KIAA1549L: variants seen among roughly 807,000 people sequenced by gnomAD.
KIAA1549L encodes the protein KIAA1549 like.
A neutral mutation model predicts 160.7 loss-of-function variants in KIAA1549L; 88 were observed. That is an observed-to-expected ratio of 0.55 (90% CI 0.46 to 0.65). KIAA1549L has a LOEUF of 0.65. Ranked by LOEUF, KIAA1549L falls within the 30% of genes least tolerant of loss-of-function variation. KIAA1549L has a pLI of 0.00. For synonymous variants in KIAA1549L, 950 were observed against 976.7 expected (o/e 0.97, Z 0.51); for missense variants, 2,258 against 2,437.5 (o/e 0.93, Z 1.55).
rs543417955 is a variant in KIAA1549L, at chr11:33,654,257, C to T, written c.5761-1755C>T. On this transcript the variant is annotated intron_variant, in intron 17 of 20. Transcript: ENST00000658780. ...AAAGTGCTGGGATTACAGGCGTGAG[C>T]CACCACACCCAGCCTGGTCAACTAT... Among the ~76,000 whole-genome samples, 7 of 152,374 alleles carry T rather than the reference C, an allele frequency of 4.6e-5. No homozygotes were observed. In the South Asian group the frequency reaches 1.5e-3, roughly 32 times the overall value.
intron 11 of KIAA1549L, among the ~76,000 whole-genome samples, chr11:33,586,643 T>G (rs944847055): frequency 4.6e-5 from 7 of 152,062 alleles, no homozygotes; most frequent in Non-Finnish European, 7.4e-5. Context: ...GGGTCTGTAA[T>G]CTTTTGCATG....
At chr11:33,400,004 C>G (rs1300330588) in intron 1 of KIAA1549L, among the ~76,000 whole-genome samples, 3 of 152,178 alleles carry the variant, frequency 2.0e-5, no homozygotes, top group Non-Finnish European at 4.4e-5. Flanking sequence ...TAATTCCTCA[C>G]CAGTAAGTTG....
intron 18 of KIAA1549L, 24 bp downstream of exon 18, chr11:33,656,133 T>G (rs1852057261): frequency 1.9e-6 from 3 of 1,580,250 alleles, no homozygotes; most frequent in South Asian, 2.2e-5. Flanking sequence ...TTCTTTGTTT[T>G]GTTTGGAATA....
intron 1 of KIAA1549L, among the ~76,000 whole-genome samples, chr11:33,428,910 CCCA>C (rs899609009): frequency 6.6e-6 from 1 of 152,198 alleles, no homozygotes; most frequent in Non-Finnish European, 1.5e-5. Flanking sequence ...AGTTTACACT[CCCA>C]CCAACAGTGT....
chr11:33,501,660 A>C (rs1852951054), intron 1 of KIAA1549L, among the ~76,000 whole-genome samples: 1 of 152,202 alleles, frequency 6.6e-6, no homozygotes, highest in Admixed American at 6.5e-5. Context: ...AAAGATAATT[A>C]TCTTTTTTTC....
chr11:33,448,593 A>T (rs946637891), intron 1 of KIAA1549L, among the ~76,000 whole-genome samples: 1 of 152,116 alleles, frequency 6.6e-6, no homozygotes, highest in Non-Finnish European at 1.5e-5. Flanking sequence ...TATTGCTTGT[A>T]CTGCTACACT....
At chr11:33,432,687 T>G (rs1377860186) in intron 1 of KIAA1549L, among the ~76,000 whole-genome samples, 1 of 152,168 alleles carries the variant, frequency 6.6e-6, no homozygotes, top group Admixed American at 6.5e-5. Context: ...CAAACTATAC[T>G]ACAAGTCTAC....
At chr11:33,587,505 T>C (rs1849917801) in intron 11 of KIAA1549L, among the ~76,000 whole-genome samples, 1 of 152,230 alleles carries the variant, frequency 6.6e-6, no homozygotes, top group African/African-American at 2.4e-5. Flanking sequence ...ATGAAGGCTG[T>C]AATGTTTGCC....
chr11:33,391,366 A>G (rs1018079582), intron 1 of KIAA1549L, among the ~76,000 whole-genome samples: 4 of 152,150 alleles, frequency 2.6e-5, no homozygotes, highest in Non-Finnish European at 5.9e-5. Flanking sequence ...TCATGTTTCA[A>G]ACCTAGGGAT....
chr11:33,423,138 A>G (rs1851052605), intron 1 of KIAA1549L, among the ~76,000 whole-genome samples: 1 of 152,248 alleles, frequency 6.6e-6, no homozygotes, highest in Admixed American at 6.5e-5. Context: ...ATAAAAAACT[A>G]TGCATACATT....
At chr11:33,612,693 A>G (rs187776502) in intron 15 of KIAA1549L, among the ~76,000 whole-genome samples, 6 of 150,524 alleles carry the variant, frequency 4.0e-5, no homozygotes, top group South Asian at 2.1e-4. Context: ...TGTATGGATT[A>G]TTTCATCACT....
At chr11:33,593,157 G>A (rs1205755352) in intron 12 of KIAA1549L, among the ~76,000 whole-genome samples, 1 of 152,220 alleles carries the variant, frequency 6.6e-6, no homozygotes, top group East Asian at 1.9e-4. Flanking sequence ...TGGGCTGGGT[G>A]CATGGCTCAC....
At chr11:33,471,635 C>G (rs149945733) in intron 1 of KIAA1549L, among the ~76,000 whole-genome samples, 18 of 152,272 alleles carry the variant, frequency 1.2e-4, no homozygotes, top group Middle Eastern at 3.4e-3. Context: ...GAGCCTTTAC[C>G]CAACAGTGGA....
In KIAA1549L at chr11:33,542,174, C is replaced by T. The variant is rs78716240; in HGVS notation, c.611C>T (p.Ser204Leu). ...SGLPLTSMLP[S>L]LSTVPSGTSF... is the part of the protein sequence containing the mutation. ...TTGCCTCTCACCAGCATGCTCCCCT[C>T]GTTGTCCACAGTCCCATCAGGGACA... is the stretch of plus-strand genomic sequence containing the variant. The change falls in exon 2 of 21, where the codon TCG becomes TTG. Residue 204 changes from serine to leucine, a missense_variant. Ser to Leu is a moderately radical substitution (Grantham distance 145). Around this residue, in one of 6 missense-constraint regions of KIAA1549L, gnomAD observed 540 missense variants for 465.7 expected, o/e 1.16. Transcript: ENST00000658780. 2.5e-4 allele frequency: 156 copies of T among 620,902 alleles called. No individual in the cohort carries two copies. The East Asian group carries it at 3.9e-3, about 16-fold the overall frequency. The allele number at this position is 620,902 out of a possible 1,614,324, so 38.5% of individuals were successfully genotyped here.
At chr11:33,555,264 C>G (rs1854609207) in intron 6 of KIAA1549L, among the ~76,000 whole-genome samples, 1 of 152,136 alleles carries the variant, frequency 6.6e-6, no homozygotes, top group Non-Finnish European at 1.5e-5. Flanking sequence ...AATGTAATTC[C>G]TATCAAAATC....
chr11:33,439,108 T>C (rs188848300), intron 1 of KIAA1549L, among the ~76,000 whole-genome samples: 1 of 152,234 alleles, frequency 6.6e-6, no homozygotes, highest in East Asian at 1.9e-4. Flanking sequence ...TTTGTATTTT[T>C]AGTGGAGATG....
rs1491570272 is a variant in KIAA1549L, at chr11:33,487,401, T to TC, written c.239-54400dup. On this transcript the variant is annotated intron_variant, in intron 1 of 20. Coordinates refer to ENST00000658780, the MANE Select transcript of KIAA1549L (RefSeq NM_012194.3). ...GGAGGCAGGGACCATGGTCTATTGTTCTTTTTTTTTTTTTTTTTTTTTTGG... is the reference window on the plus strand; with the variant it reads ...GGAGGCAGGGACCATGGTCTATTGTTCCTTTTTTTTTTTTTTTTTTTTTTGG... Among the ~76,000 whole-genome samples the TC allele has an allele frequency of 5.7e-4, 81 of 142,072 alleles. No individual in the cohort carries two copies. The East Asian group carries it at 0.015, about 26-fold the overall frequency. 93.2% of individuals were successfully genotyped at this position (142,072 alleles called of 152,430 possible).
intron 16 of KIAA1549L, among the ~76,000 whole-genome samples, chr11:33,634,564 C>T (rs1314338664): frequency 6.6e-6 from 1 of 152,236 alleles, no homozygotes; most frequent in Admixed American, 6.5e-5. Context: ...ATTTCCCCTG[C>T]TCCTTAGAGA....
intron 1 of KIAA1549L, among the ~76,000 whole-genome samples, chr11:33,479,746 G>T (rs564495913): frequency 1.3e-3 from 204 of 152,284 alleles, no homozygotes; most frequent in African/African-American, 1.9e-3. Flanking sequence ...TAGCAGAATT[G>T]TTGGGAGGGA....
Sources: gnomAD v4.1 joint callset for allele counts (sites outside exome capture counted in the v4.1 genomes callset) on GRCh38, gnomAD v4.1.1 for gene constraint, gnomAD v4.1.1 regional missense constraint, MANE v1.5 for transcripts, NCBI Gene and HGNC (gene_info 2026-07-23, HGNC 2026-07-21) for gene names.